PSMC3: variants seen among roughly 807,000 people sequenced by gnomAD.
PSMC3 encodes 26S proteasome regulatory subunit 6A.
Under a neutral mutation model 52.0 loss-of-function variants are expected in PSMC3, and 11 were observed. The ratio of observed to expected loss-of-function variants is 0.21; its 90% confidence interval spans 0.13 to 0.35. The LOEUF (loss-of-function observed/expected upper bound fraction) is 0.35, where lower values mean the gene tolerates loss of function less well. PSMC3 is among the 10% of genes least tolerant of loss of function. PSMC3 has a pLI of 1.00. For synonymous variants in PSMC3, 201 were observed against 218.8 expected, an observed-to-expected ratio of 0.92 and a Z score of 0.72; for missense variants, 238 against 567.1, an observed-to-expected ratio of 0.42 and a Z score of 5.89.
chr11:47,425,950 G>A lies in PSMC3; in HGVS notation c.76C>T (p.Gln26Ter). The change falls in exon 2 of 12, where the codon CAA (glutamine) becomes TAA (stop). Residue 26 changes from glutamine to a stop codon, truncating the protein, a stop_gained and splice_region_variant. Coordinates refer to ENST00000298852, the MANE Select transcript of PSMC3 (RefSeq NM_002804.5). LOFTEE classifies it high-confidence loss of function. ...KMATVWDEAE[Q>*]DGIGEEVLKM... Reference sequence around the variant, plus strand: ...AGCACCTCCTCCCCAATTCCATCTTGCTGTAAAAAATTATTTGTTTATTTA... The same window carrying A: ...AGCACCTCCTCCCCAATTCCATCTTACTGTAAAAAATTATTTGTTTATTTA... 2 of 1,611,738 alleles carry A rather than the reference G, an allele frequency of 1.2e-6. No homozygotes were observed. The highest frequency in any genetic ancestry group is 1.1e-5 in the South Asian group (1 of 90,978).
chr11:47,423,702 T>A (rs1036832005), intron 6 of PSMC3, among the ~76,000 whole-genome samples: 1 of 151,946 alleles, frequency 6.6e-6, no homozygotes, highest in African/African-American at 2.4e-5. Flanking sequence ...TGAGGCAGAA[T>A]TGCTTGAACC....
chr11:47,420,119 CTGGCGTG>C, intron 10 of PSMC3, 138 bp downstream of exon 10: 1 of 953,140 alleles, frequency 1.0e-6, no homozygotes, highest in African/African-American at 1.6e-5. Flanking sequence ...GAAACGGAGG[CTGGCGTG>C]TGGAACGGTG....
In PSMC3 at chr11:47,419,790, C is replaced by T. The variant is rs1417961726; in HGVS notation, c.1127+474G>A. 2.0e-5 allele frequency among the ~76,000 whole-genome samples: 3 copies of T among 151,266 alleles called. No individual in the cohort carries two copies. In the East Asian group the frequency reaches 5.8e-4, roughly 29 times the overall value. On this transcript the variant is annotated intron_variant, in intron 10 of 11. Coordinates refer to ENST00000298852, the MANE Select transcript of PSMC3 (RefSeq NM_002804.5). The stretch of plus-strand genomic sequence containing the variant: ...AGGAGAATGGCGTGAACCCAGGAGG[C>T]GGAGCTTGCAGTGAGCCGAGATCGC...
rs114030750 is a variant in PSMC3, at chr11:47,419,298, C to T, written c.1128-101G>A. ...CCCGTCAAGCAACAAAGTCAAGTTG[C>T]CCTGTGATCAGAGGCAAGTCCCTTA... On this transcript the variant is annotated intron_variant, in intron 10 of 11. Coordinates refer to ENST00000298852, the MANE Select transcript of PSMC3 (RefSeq NM_002804.5). 2.0e-4 allele frequency: 253 copies of T among 1,283,878 alleles called. No individual in the cohort carries two copies. In the African/African-American group the frequency reaches 3.3e-3, roughly 17 times the overall value. 79.5% of individuals were successfully genotyped at this position (1,283,878 alleles called of 1,614,324 possible). A position where few individuals can be genotyped will look rare whatever the true frequency, so the allele number is the denominator to read the frequency against.
chr11:47,425,363 T>C, intron 2 of PSMC3, 117 bp from the exon 3 acceptor site: 1 of 1,263,918 alleles, frequency 7.9e-7, no homozygotes, highest in South Asian at 1.3e-5. Context: ...TTCATCCAGC[T>C]CTGAGGCTCT....
Position 47,420,244 on chromosome 11 carries a change from C to T in PSMC3, c.1127+20G>A, listed in dbSNP as rs1183054961. ...CTGCGCCTGTTCAGGTCTCTGTGCCCTGCCCGTGCTCCTGCTCACCTGACA... is the reference window on the plus strand; with the variant it reads ...CTGCGCCTGTTCAGGTCTCTGTGCCTTGCCCGTGCTCCTGCTCACCTGACA... On this transcript the variant is annotated intron_variant, in intron 10 of 11. Transcript: ENST00000298852. 1 of 1,613,556 alleles carries T rather than the reference C, an allele frequency of 6.2e-7. No homozygotes were observed. Among genetic ancestry groups the T allele is most frequent in the Non-Finnish European group, 8.5e-7 (1 of 1,179,760 alleles).
rs1047798393 is a variant in PSMC3 at position 47,424,222 on chromosome 11, T to C, written c.454-39A>G. ...ACAGGGCCTTCAGATTTGGCCCAGC[T>C]CAAGGGCTACCCAACTGACTGGGTG... On this transcript the variant is annotated intron_variant, in intron 5 of 11. Coordinates refer to ENST00000298852, the MANE Select transcript of PSMC3 (RefSeq NM_002804.5). This position sits in a 1 kb window ranked among gnomAD's most constrained non-coding sequence, Gnocchi z 4.8. 1.2e-6 allele frequency: 2 copies of C among 1,613,858 alleles called. No individual in the cohort carries two copies. Among genetic ancestry groups the C allele is most frequent in the African/African-American group, 1.3e-5 (1 of 74,882 alleles).
rs2096041826 is a variant in PSMC3, at chr11:47,422,537, CCA to C, written c.884+35_884+36del. On this transcript the variant is annotated intron_variant, in intron 8 of 11. Coordinates refer to ENST00000298852, the MANE Select transcript of PSMC3 (RefSeq NM_002804.5). This position sits in a 1 kb window ranked among gnomAD's most constrained non-coding sequence, Gnocchi z 4.3. ...AGAGTCAACCCGCTTCCCCTTACCGCCACAGAGATCGCTAGGGACCCTTGGCC... is the reference window on the plus strand; with the variant it reads ...AGAGTCAACCCGCTTCCCCTTACCGCCAGAGATCGCTAGGGACCCTTGGCC... The C allele has an allele frequency of 2.5e-6, 4 of 1,610,788 alleles. No homozygotes were observed. Among genetic ancestry groups the C allele is most frequent in the Non-Finnish European group, 3.4e-6 (4 of 1,177,722 alleles).
rs767378652 is a variant in PSMC3, at chr11:47,422,696, G to A, written c.762C>T (p.Pro254=). The A allele has an allele frequency of 1.2e-6, 2 of 1,614,158 alleles. No individual in the cohort carries two copies. Among genetic ancestry groups the A allele is most frequent in the East Asian group, 4.5e-5 (2 of 44,876 alleles). ...TKATFLKLAG[P]QLVQMFIGDG... The stretch of plus-strand genomic sequence containing the variant: ...CTCCAATGAACATCTGCACCAGCTG[G>A]GGGCCAGCCAGCTTTAGGAAGGTGG... Residue 254 remains proline, a synonymous_variant, in exon 8 of 12, where the codon CCC becomes CCT. Transcript: ENST00000298852. This position sits in a 1 kb window ranked among gnomAD's most constrained non-coding sequence, Gnocchi z 4.3.
chr11:47,424,019 T>C lies in PSMC3; in HGVS notation c.591+27A>G. On this transcript the variant is annotated intron_variant, in intron 6 of 11. Transcript: ENST00000298852. This position sits in a 1 kb window ranked among gnomAD's most constrained non-coding sequence, Gnocchi z 4.8. ...GGAGAAACTAAAAGGCTGACAAGGC[T>C]GCTGGCAGCTGCCGTGCCTCCCTCA... 6.2e-7 allele frequency: 1 copy of C among 1,614,120 alleles called. No homozygotes were observed. Among genetic ancestry groups the C allele is most frequent in the East Asian group, 2.2e-5 (1 of 44,884 alleles).
rs2096041384 is a variant in PSMC3, at chr11:47,422,175, TG to T, written c.884+398del. Among the ~76,000 whole-genome samples the T allele has an allele frequency of 6.6e-6, 1 of 152,132 alleles. No homozygotes were observed. The highest frequency in any genetic ancestry group is 1.5e-5 in the Non-Finnish European group (1 of 68,032). Reference sequence around the variant, plus strand: ...CTTGTGCCTCAGCCTCCCAGGCATCTGGGACTACAGGCGCCTGCTACCACGC... The same window carrying T: ...CTTGTGCCTCAGCCTCCCAGGCATCTGGACTACAGGCGCCTGCTACCACGC... On this transcript the variant is annotated intron_variant, in intron 8 of 11. Transcript: ENST00000298852. The surrounding 1 kb of genome is among the most constrained non-coding windows in gnomAD (Gnocchi z 4.3).
chr11:47,423,711 C>T (rs1348978714), intron 6 of PSMC3, among the ~76,000 whole-genome samples: 1 of 152,070 alleles, frequency 6.6e-6, no homozygotes, highest in African/African-American at 2.4e-5. Context: ...ATTGCTTGAA[C>T]CCGGGAGGCA....
In PSMC3 at chr11:47,422,338, G is replaced by A. The variant is rs563184980; in HGVS notation, c.884+236C>T. Among the ~76,000 whole-genome samples the A allele has an allele frequency of 2.6e-3, 394 of 152,140 alleles. No homozygotes were observed. The highest frequency in any genetic ancestry group is 4.0e-3 in the Non-Finnish European group (273 of 68,028). ...ATTACAGGCGTGAGCCACCGTGCCCGGCCCAGATTCCTGTTTTGAAAGGAA... is the reference window on the plus strand; with the variant it reads ...ATTACAGGCGTGAGCCACCGTGCCCAGCCCAGATTCCTGTTTTGAAAGGAA... On this transcript the variant is annotated intron_variant, in intron 8 of 11. Transcript: ENST00000298852. The surrounding 1 kb of genome is among the most constrained non-coding windows in gnomAD (Gnocchi z 4.3).
chr11:47,423,010 C>G (rs772198918), intron 6 of PSMC3, 37 bp from the exon 7 acceptor site: 1 of 1,572,376 alleles, frequency 6.4e-7, no homozygotes, highest in South Asian at 1.2e-5. Flanking sequence ...AGATGAAGCC[C>G]TGAGGGCTTC....
At position 47,418,955 on chromosome 11, in the gene PSMC3, G is replaced by A; in HGVS notation, c.1210-10C>T. Reference sequence around the variant, plus strand: ...GCAGTGCGATCATGCCCTACAGCCGGGACAAACAGAGTCTAGGTCTGAACG... The same window carrying A: ...GCAGTGCGATCATGCCCTACAGCCGAGACAAACAGAGTCTAGGTCTGAACG... On this transcript the variant is annotated splice_polypyrimidine_tract_variant and intron_variant, in intron 11 of 11. Coordinates refer to ENST00000298852, the MANE Select transcript of PSMC3 (RefSeq NM_002804.5). 1 of 1,613,770 alleles carries A rather than the reference G, an allele frequency of 6.2e-7. No individual in the cohort carries two copies. The highest frequency in any genetic ancestry group is 8.5e-7 in the Non-Finnish European group (1 of 1,179,764).
chr11:47,420,784 C>T (rs2153303693), intron 8 of PSMC3, 57 bp from the exon 9 acceptor site: 2 of 1,467,760 alleles, frequency 1.4e-6, no homozygotes, highest in East Asian at 2.5e-5. Context: ...AGAGCCCTCC[C>T]CTCCTCTACC....
At position 47,426,416 on chromosome 11, in the gene PSMC3, G is replaced by T; in HGVS notation, c.-137C>A. ...CCGACTCTTGACCCGACCAGCTCCG[G>T]CCGTGCTGCGGAGCAGCGAATCTGC... On this transcript the variant is annotated 5_prime_UTR_variant, in exon 1 of 12. Coordinates refer to ENST00000298852, the MANE Select transcript of PSMC3 (RefSeq NM_002804.5). 1 of 718,110 alleles carries T rather than the reference G, an allele frequency of 1.4e-6. No homozygotes were observed. The highest frequency in any genetic ancestry group is 2.1e-6 in the Non-Finnish European group (1 of 467,612). 44.5% of individuals were successfully genotyped at this position (718,110 alleles called of 1,614,324 possible).
rs752269782 is a variant in PSMC3 at position 47,425,251 on chromosome 11, G to A, written c.160-5C>T. The A allele has an allele frequency of 3.1e-6, 5 of 1,614,014 alleles. No individual in the cohort carries two copies. Among genetic ancestry groups the A allele is most frequent in the Non-Finnish European group, 4.2e-6 (5 of 1,179,982 alleles). On this transcript the variant is annotated splice_region_variant and splice_polypyrimidine_tract_variant and intron_variant, in intron 2 of 11. Transcript: ENST00000298852. ...CAACACTTCACTCTTCATGATCTGA[G>A]ATCAGGAGGGGAGGAGAAGCAAATA...
chr11:47,420,572 G>A, intron 9 of PSMC3, 59 bp downstream of exon 9: 1 of 1,516,158 alleles, frequency 6.6e-7, no homozygotes, highest in Non-Finnish European at 9.0e-7. Context: ...CTAGCTGGGG[G>A]CCTGACAGCT....
Sources: gnomAD v4.1 joint callset for allele counts (sites outside exome capture counted in the v4.1 genomes callset) on GRCh38, gnomAD v4.1.1 for gene constraint, Gnocchi (gnomAD v3.1) non-coding constraint, MANE v1.5 for transcripts, NCBI Gene and HGNC (gene_info 2026-07-23, HGNC 2026-07-21) for gene names.